The following ERC1 variants were observed in gnomAD, a reference collection of about 807,000 sequenced individuals.
ERC1 encodes ELKS/RAB6-interacting/CAST family member 1, also known as RAB6 interacting protein 2.
A neutral mutation model predicts 132.0 loss-of-function variants in ERC1; 56 were observed. The ratio of observed to expected loss-of-function variants is 0.42; its 90% confidence interval spans 0.34 to 0.53. The LOEUF is 0.53. Ranked by LOEUF, ERC1 falls within the 20% of genes least tolerant of loss-of-function variation. The pLI, the probability that ERC1 is intolerant of heterozygous loss-of-function variation, is 0.03. For synonymous variants in ERC1, 478 were observed against 476.1 expected (o/e 1.00, Z -0.05); for missense variants, 1,202 against 1,349.9 (o/e 0.89, Z 1.72).
At chr12:1,064,325 C>T (rs1001356487) in intron 2 of ERC1, among the ~76,000 whole-genome samples, 1 of 152,016 alleles carries the variant, frequency 6.6e-6, no homozygotes, top group Non-Finnish European at 1.5e-5. Context: ...CTCTTGGCCT[C>T]AAGCAATCCT....
At chr12:1,335,944 C>G (rs985542256) in intron 15 of ERC1, among the ~76,000 whole-genome samples, 6 of 151,968 alleles carry the variant, frequency 3.9e-5, no homozygotes, top group African/African-American at 1.4e-4. Context: ...TTTCAGAGTT[C>G]ATTATGGGCC....
chr12:1,171,127 G>A (rs1463105276), intron 8 of ERC1, among the ~76,000 whole-genome samples: 1 of 152,132 alleles, frequency 6.6e-6, no homozygotes, highest in Non-Finnish European at 1.5e-5. Context: ...ACAACTGACA[G>A]GGAAACCCAA....
intron 2 of ERC1, among the ~76,000 whole-genome samples, chr12:1,036,118 G>T (rs898378376): frequency 6.6e-6 from 1 of 152,082 alleles, no homozygotes; most frequent in Non-Finnish European, 1.5e-5. Context: ...AATATTATAG[G>T]ACGGCAGGTG....
At chr12:1,062,938 C>T (rs546874984) in intron 2 of ERC1, among the ~76,000 whole-genome samples, 1 of 152,210 alleles carries the variant, frequency 6.6e-6, no homozygotes. Context: ...TGAATTGATC[C>T]CTTTATCATT....
At chr12:1,145,191 AT>A (rs1950237213) in intron 8 of ERC1, among the ~76,000 whole-genome samples, 1 of 151,834 alleles carries the variant, frequency 6.6e-6, no homozygotes, top group Non-Finnish European at 1.5e-5. Flanking sequence ...TAATTTTTGC[AT>A]TTTTAGTCGA....
chr12:1,388,772 T>C (rs902909879), intron 16 of ERC1, among the ~76,000 whole-genome samples: 3 of 152,166 alleles, frequency 2.0e-5, no homozygotes, highest in Admixed American at 6.5e-5. Context: ...TGCCCAAATA[T>C]GAAATGATGA....
At chr12:1,007,516 T>TTCTCTCTCTCTCTCTCTCTCTC (rs377671282) in intron 1 of ERC1, among the ~76,000 whole-genome samples, 3 of 122,968 alleles carry the variant, frequency 2.4e-5, no homozygotes, top group South Asian at 2.8e-4. Flanking sequence ...CACTGGGTAA[T>TTCTCTCTCTCTCTCTCTCTCTC]TCTCTCTCTC....
chr12:1,443,702 C>G (rs1379129722), intron 17 of ERC1: 1 of 152,328 alleles, frequency 6.6e-6, no homozygotes, highest in East Asian at 1.9e-4. Flanking sequence ...CTTTGACCAG[C>G]TACCAAATAC....
At chr12:1,054,425 C>T (rs1972567666) in intron 2 of ERC1, among the ~76,000 whole-genome samples, 1 of 151,878 alleles carries the variant, frequency 6.6e-6, no homozygotes, top group Non-Finnish European at 1.5e-5. Context: ...AGGATTCTTC[C>T]CTACCGCACC....
Position 1,408,332 on chromosome 12 carries a change from A to T in ERC1, c.3024+85A>T, listed in dbSNP as rs1174201260. ...TTGTACTAGCATGTTGCAAATTCTG[A>T]GATATAAGTTAGAAGAATAAAAATA... On this transcript the variant is annotated intron_variant, in intron 17 of 18. Coordinates refer to ENST00000360905, the MANE Select transcript of ERC1 (RefSeq NM_178040.4). 7.9e-6 allele frequency: 7 copies of T among 886,174 alleles called. No individual in the cohort carries two copies. The African/African-American group carries it at 1.0e-4, about 13-fold the overall frequency. 54.9% of individuals were successfully genotyped at this position (886,174 alleles called of 1,614,324 possible).
intron 15 of ERC1, among the ~76,000 whole-genome samples, chr12:1,329,154 C>T (rs113378090): frequency 0.12 from 16,996 of 145,824 alleles, 2,345 homozygotes; most frequent in Middle Eastern, 0.17. Flanking sequence ...ATTAGCCAGG[C>T]GTGGTGGCAC....
At position 1,242,034 on chromosome 12, in the gene ERC1, T is replaced by A. The variant is rs561351707; in HGVS notation, c.2487+5130T>A. On this transcript the variant is annotated intron_variant, in intron 13 of 18. Coordinates refer to ENST00000360905, the MANE Select transcript of ERC1 (RefSeq NM_178040.4). ...TAATTTTTTTGAATTTTTAGTAGAG[T>A]CGGGGTTTCACCATTTTGGCCAGGC... 1.7e-3 allele frequency among the ~76,000 whole-genome samples: 251 copies of A among 151,542 alleles called. 2 individuals are homozygous for A. Among genetic ancestry groups the A allele is most frequent in the Middle Eastern group, 6.8e-3 (2 of 294 alleles).
At chr12:1,322,769 A>G (rs2082197181) in intron 15 of ERC1, among the ~76,000 whole-genome samples, 1 of 152,068 alleles carries the variant, frequency 6.6e-6, no homozygotes, top group Non-Finnish European at 1.5e-5. Flanking sequence ...GCTTGCTTAT[A>G]TTTTCTAAAC....
chr12:1,231,021 T>C (rs2074990434), intron 12 of ERC1, among the ~76,000 whole-genome samples: 1 of 152,222 alleles, frequency 6.6e-6, no homozygotes, highest in Non-Finnish European at 1.5e-5. Context: ...TTAGCCACTC[T>C]GTATCTTTTG....
In ERC1 at chr12:1,083,520, C is replaced by T. The variant is rs187560506; in HGVS notation, c.1026C>T (p.His342=). The change falls in exon 3 of 19, where the codon CAC becomes CAT. Residue 342 remains histidine (H), a synonymous_variant. Transcript: ENST00000360905. ...RTRRLAEAEM[H]VHHLESLLEQ... is the part of the protein sequence containing the mutation. Reference sequence around the variant, plus strand: ...GACGACTGGCAGAGGCAGAGATGCACGTTCATCACCTAGAAAGCCTTTTGG... The same window carrying T: ...GACGACTGGCAGAGGCAGAGATGCATGTTCATCACCTAGAAAGCCTTTTGG... The T allele has an allele frequency of 7.4e-5, 120 of 1,613,362 alleles. 1 individual carries two copies. The Admixed American group carries it at 1.1e-3, about 14-fold the overall frequency.
intron 13 of ERC1, among the ~76,000 whole-genome samples, chr12:1,261,299 A>G (rs1288186471): frequency 1.3e-5 from 2 of 152,214 alleles, no homozygotes; most frequent in African/African-American, 2.4e-5. Flanking sequence ...CAAAGACATA[A>G]TACTGAGTTT....
intron 15 of ERC1, among the ~76,000 whole-genome samples, chr12:1,341,888 A>G (rs2083935682): frequency 6.6e-6 from 1 of 152,192 alleles, no homozygotes; most frequent in Non-Finnish European, 1.5e-5. Context: ...TTCTTGCTGA[A>G]TCACTTTGAA....
At chr12:1,115,663 A>AT (rs2154210474) in intron 6 of ERC1, 1 of 466,618 alleles carries the variant, frequency 2.1e-6, no homozygotes, top group East Asian at 3.4e-5. Context: ...ACATTTCCCT[A>AT]TTGGTTGAAT....
intron 12 of ERC1, 53 bp from the exon 13 acceptor site, chr12:1,236,716 T>C: frequency 6.4e-7 from 1 of 1,552,916 alleles, no homozygotes. Flanking sequence ...GATAAACATA[T>C]TTGTTTCTAT....
Sources: gnomAD v4.1 joint callset for allele counts (sites outside exome capture counted in the v4.1 genomes callset) on GRCh38, gnomAD v4.1.1 for gene constraint, MANE v1.5 for transcripts, NCBI Gene and HGNC (gene_info 2026-07-23, HGNC 2026-07-21) for gene names.